ZNF394: variants seen among roughly 807,000 people sequenced by gnomAD.
ZNF394 encodes zinc finger protein 394.
ZNF394 carries 19 observed loss-of-function variants against 21.8 expected under a neutral mutation model. The ratio of observed to expected loss-of-function variants is 0.87; its 90% CI spans 0.61 to 1.28. ZNF394 has a LOEUF of 1.28. ZNF394 is among the 50% of genes most tolerant of loss of function. The pLI, the probability that ZNF394 is intolerant of heterozygous loss-of-function variation, is 0.00. For missense variants in ZNF394, 683 were observed against 708.6 expected, an observed-to-expected ratio of 0.96 and a Z score of 0.41; for synonymous variants, 294 against 273.3, an observed-to-expected ratio of 1.08 and a Z score of -0.75.
At chr7:99,490,641 T>TA (rs140941296), downstream of ZNF394, among the ~76,000 whole-genome samples, 174 of 142,592 alleles carry the variant, frequency 1.2e-3, no homozygotes, top group Middle Eastern at 3.5e-3. Flanking sequence ...TTTTTTTTTT[T>TA]AAAAAAAAAG....
At chr7:99,499,556 GAAGT>G in intron 1 of ZNF394, 78 bp downstream of exon 1, 1 of 1,270,580 alleles carries the variant, frequency 7.9e-7, no homozygotes, top group Non-Finnish European at 1.1e-6. Flanking sequence ...ATGTAATAAG[GAAGT>G]AAGTTCCGAA....
At chr7:99,497,118 G>GTGTGTATATATATATATATA (rs1420340290) in intron 2 of ZNF394, among the ~76,000 whole-genome samples, 1 of 97,184 alleles carries the variant, frequency 1.0e-5, no homozygotes, top group Non-Finnish European at 1.9e-5. Flanking sequence ...GTGTGTGTGT[G>GTGTGTATATATATATATATA]TGTGTATATA....
At chr7:99,494,741 T>G in intron 2 of ZNF394, 110 bp from the exon 3 acceptor site, 1 of 1,388,968 alleles carries the variant, frequency 7.2e-7, no homozygotes, top group South Asian at 1.7e-5. Flanking sequence ...TTTAATTAAT[T>G]AATTTATTTT....
At chr7:99,498,948 A>G in intron 1 of ZNF394, 106 bp from the exon 2 acceptor site, 1 of 1,414,146 alleles carries the variant, frequency 7.1e-7, no homozygotes, top group Non-Finnish European at 9.4e-7. Context: ...TCAGAGATAG[A>G]GGCTGACATT....
At position 99,493,788 on chromosome 7, in the gene ZNF394, T is replaced by C. The variant is rs761934979; in HGVS notation, c.1427A>G (p.Lys476Arg). Residue 476 changes from lysine (K) to arginine (R), a missense_variant, in exon 3 of 3, where the codon AAG becomes AGG. Coordinates refer to ENST00000337673, the MANE Select transcript of ZNF394 (RefSeq NM_032164.4). ...GAGGTCAGAGCGCTGTTTGAAGCTC[T>C]TCTCGCATTCTTCACACTTATAGGG... ...ERPYKCEECE[K>R]SFKQRSDLFK... The C allele has an allele frequency of 6.2e-7, 1 of 1,614,152 alleles. No individual in the cohort carries two copies. The highest frequency in any genetic ancestry group is 1.1e-5 in the South Asian group (1 of 91,080).
chr7:99,491,771 C>CA (rs768073826), downstream of ZNF394, among the ~76,000 whole-genome samples: 3,933 of 34,624 alleles, frequency 0.11, 643 homozygotes, highest in African/African-American at 0.33. Context: ...GAATCTGTCT[C>CA]AAAAAAAAAA....
At chr7:99,487,444 T>G in intron 1 of ZNF394, 1 of 1,614,202 alleles carries the variant, frequency 6.2e-7, no homozygotes. Context: ...GCACACAAGC[T>G]TTATTAAGCA....
At chr7:99,495,885 G>A (rs1385629206) in intron 2 of ZNF394, among the ~76,000 whole-genome samples, 1 of 152,028 alleles carries the variant, frequency 6.6e-6, no homozygotes, top group Admixed American at 6.6e-5. Context: ...GCCTCCCAAA[G>A]TGTTGGGATT....
At chr7:99,491,486 T>C (rs1270983812), downstream of ZNF394, among the ~76,000 whole-genome samples, 1 of 152,152 alleles carries the variant, frequency 6.6e-6, no homozygotes, top group Non-Finnish European at 1.5e-5. Flanking sequence ...GGATTTCCGA[T>C]GGGTTCAGCT....
intron 2 of ZNF394, 30 bp downstream of exon 2, chr7:99,498,686 G>A: frequency 6.2e-7 from 1 of 1,612,904 alleles, no homozygotes; most frequent in African/African-American, 1.3e-5. Flanking sequence ...ACCACACACC[G>A]CAATAAACCA....
At chr7:99,497,112 GTGTGTGTGTGTA>G (rs1215088717) in intron 2 of ZNF394, among the ~76,000 whole-genome samples, 29 of 117,372 alleles carry the variant, frequency 2.5e-4, no homozygotes, top group East Asian at 4.6e-4. Context: ...GTGTGTGTGT[GTGTGTGTGTGTA>G]TATATATATA....
downstream of ZNF394, among the ~76,000 whole-genome samples, chr7:99,491,827 C>T (rs1203597705): frequency 1.2e-4 from 17 of 143,630 alleles, no homozygotes; most frequent in African/African-American, 4.4e-4. Context: ...GTAATCCCAG[C>T]ACTTTGGGAG....
At chr7:99,489,170 GC>G (rs1800106659), downstream of ZNF394, among the ~76,000 whole-genome samples, 1 of 151,236 alleles carries the variant, frequency 6.6e-6, no homozygotes, top group Non-Finnish European at 1.5e-5. Context: ...TGTAGTCCCA[GC>G]TACCCAGGAG....
At position 99,500,203 on chromosome 7, in the gene ZNF394, C is replaced by A; in HGVS notation, c.-110G>T. On this transcript the variant is annotated 5_prime_UTR_variant, in exon 1 of 3. Coordinates refer to ENST00000337673, the MANE Select transcript of ZNF394 (RefSeq NM_032164.4). Reference sequence around the variant, plus strand: ...ACCCTCCGGTCCCAAACACCGGGCCCCACCACACCAGGCCCCTCTCCACAC... The same window carrying A: ...ACCCTCCGGTCCCAAACACCGGGCCACACCACACCAGGCCCCTCTCCACAC... 9.3e-7 allele frequency: 1 copy of A among 1,070,928 alleles called. No individual in the cohort carries two copies. The highest frequency in any genetic ancestry group is 1.6e-5 in the African/African-American group (1 of 62,970). 66.3% of individuals were successfully genotyped at this position (1,070,928 alleles called of 1,614,324 possible).
intron 2 of ZNF394, 152 bp downstream of exon 2, chr7:99,498,564 C>G (rs749875740): frequency 5.2e-5 from 52 of 1,001,144 alleles, no homozygotes; most frequent in Non-Finnish European, 6.9e-5. Context: ...GAATCTAGCA[C>G]CTAGCAGTAC....
In ZNF394 at chr7:99,494,249, G is replaced by A. The variant is rs375903935; in HGVS notation, c.966C>T (p.His322=). The change falls in exon 3 of 3, where the codon CAC becomes CAT. Residue 322 remains histidine, a synonymous_variant. Transcript: ENST00000337673. ...GTTTCAGCACGTGCCACGTCACCAT[G>A]TGGAAACTTTGCTTGCACTTGTTCC... is the stretch of plus-strand genomic sequence containing the variant. ...EHGNKCKQSF[H]MVTWHVLKPH... The A allele has an allele frequency of 6.2e-7, 1 of 1,614,260 alleles. No individual in the cohort carries two copies. The highest frequency in any genetic ancestry group is 1.1e-5 in the South Asian group (1 of 91,088).
downstream of ZNF394, among the ~76,000 whole-genome samples, chr7:99,488,615 G>A (rs1468714205): frequency 6.6e-6 from 1 of 151,972 alleles, no homozygotes; most frequent in Non-Finnish European, 1.5e-5. Context: ...AGTAACTAGT[G>A]AGGTATGAAG....
chr7:99,498,559 T>C (rs1800408563), intron 2 of ZNF394, 157 bp downstream of exon 2: 2 of 955,006 alleles, frequency 2.1e-6, no homozygotes, highest in Non-Finnish European at 1.5e-6. Context: ...AAGCTGAATC[T>C]AGCACCTAGC....
intron 2 of ZNF394, among the ~76,000 whole-genome samples, chr7:99,497,118 GTGTGTATA>G (rs1308547658): frequency 1.4e-4 from 14 of 97,158 alleles, no homozygotes; most frequent in Admixed American, 1.0e-3. Flanking sequence ...GTGTGTGTGT[GTGTGTATA>G]TATATATATA....
Sources: allele counts gnomAD v4.1 joint callset (sites outside exome capture counted in the v4.1 genomes callset), GRCh38; gene constraint gnomAD v4.1.1; transcripts MANE v1.5; gene names NCBI Gene and HGNC (gene_info 2026-07-23, HGNC 2026-07-21).